Variants in SAFB observed in about 807,000 individuals in gnomAD.
SAFB encodes scaffold attachment factor B1.
In SAFB, 15 loss-of-function variants were observed where a neutral mutation model predicts 101.6. The observed-to-expected ratio is 0.15, with a 90% confidence interval of 0.10 to 0.23. The LOEUF is 0.23. SAFB is among the 10% of genes least tolerant of loss of function. The pLI, the probability that SAFB is intolerant of heterozygous loss-of-function variation, is 1.00. For missense variants in SAFB, 930 were observed against 1,104.1 expected (o/e 0.84, Z 2.23); for synonymous variants, 449 against 407.5 (o/e 1.10, Z -1.23).
intron 2 of SAFB, among the ~76,000 whole-genome samples, chr19:5,631,814 CG>C (rs1339310767): frequency 6.6e-6 from 1 of 152,072 alleles, no homozygotes; most frequent in African/African-American, 2.4e-5. Context: ...GGGACACCGA[CG>C]CGGAAGGATG....
Position 5,623,487 on chromosome 19 carries a change from C to T in SAFB, c.189+93C>T, listed in dbSNP as rs1471480879. The stretch of plus-strand genomic sequence containing the variant: ...GCGGGCCCTGGCGTCCGCCCCCGGC[C>T]GCGTTCGCGGCCTCGCCGGACCTGG... On this transcript the variant is annotated intron_variant, in intron 1 of 20. Coordinates refer to ENST00000588852, the MANE Select transcript of SAFB (RefSeq NM_001201338.2). 3.5e-6 allele frequency: 4 copies of T among 1,135,028 alleles called. No homozygotes were observed. The East Asian group carries it at 1.1e-4, about 32-fold the overall frequency. The allele number at this position is 1,135,028 out of a possible 1,614,324, so 70.3% of individuals were successfully genotyped here. A position where few individuals can be genotyped will look rare whatever the true frequency, so the allele number is the denominator to read the frequency against.
Position 5,667,919 on chromosome 19 carries a change from C to A in SAFB, c.2624+33C>A. 1 of 1,571,702 alleles carries A rather than the reference C, an allele frequency of 6.4e-7. No homozygotes were observed. Among genetic ancestry groups the A allele is most frequent in the South Asian group, 1.2e-5 (1 of 84,174 alleles). On this transcript the variant is annotated intron_variant, in intron 20 of 20. Coordinates refer to ENST00000588852, the MANE Select transcript of SAFB (RefSeq NM_001201338.2). The surrounding 1 kb of genome is among the most constrained non-coding windows in gnomAD (Gnocchi z 4.0). ...ATGCTGGGGGCGGCGCCCCTTCCCC[C>A]TGCTTTGCATATTGGCCTACCTTGC... is the stretch of plus-strand genomic sequence containing the variant.
At chr19:5,666,957 T>G in intron 17 of SAFB, 89 bp from the exon 18 acceptor site, 1 of 831,708 alleles carries the variant, frequency 1.2e-6, no homozygotes. Flanking sequence ...TGACTGTCGT[T>G]GTCATCGTTA....
At chr19:5,661,454 A>G in intron 14 of SAFB, 64 bp from the exon 15 acceptor site, 1 of 1,588,544 alleles carries the variant, frequency 6.3e-7, no homozygotes, top group South Asian at 1.1e-5. Context: ...GTCTTACTTA[A>G]AGTCAGCCCT....
At chr19:5,653,313 G>T in intron 10 of SAFB, 25 bp from the exon 11 acceptor site, 1 of 1,614,024 alleles carries the variant, frequency 6.2e-7, no homozygotes, top group East Asian at 2.2e-5. Context: ...AGGAAATGGG[G>T]GTAATACTTG....
At chr19:5,632,699 G>A (rs368557011) in intron 2 of SAFB, among the ~76,000 whole-genome samples, 4 of 152,092 alleles carry the variant, frequency 2.6e-5, no homozygotes, top group African/African-American at 9.7e-5. Context: ...CAAGTTATAC[G>A]CTTGTCAGAA....
chr19:5,661,826 G>T lies in SAFB; in HGVS notation c.2153+18G>T, dbSNP rs1396005182. ...CTGGACCGGTAAGCAGATCCATGCT[G>T]CCCTTAGCACGTGGCGTTCAGAATC... On this transcript the variant is annotated intron_variant, in intron 15 of 20. Coordinates refer to ENST00000588852, the MANE Select transcript of SAFB (RefSeq NM_001201338.2). 1.3e-6 allele frequency: 2 copies of T among 1,506,420 alleles called. No individual in the cohort carries two copies. Among genetic ancestry groups the T allele is most frequent in the Non-Finnish European group, 1.8e-6 (2 of 1,120,300 alleles). 93.3% of individuals were successfully genotyped at this position (1,506,420 alleles called of 1,614,324 possible).
rs2054337990 is a variant in SAFB at position 5,666,878 on chromosome 19, G to A, written c.2335-168G>A. 13 of 716,782 alleles carry A rather than the reference G, an allele frequency of 1.8e-5. No individual in the cohort carries two copies. The South Asian group carries it at 2.0e-4, about 11-fold the overall frequency. The allele number at this position is 716,782 out of a possible 1,614,324, so 44.4% of individuals were successfully genotyped here. ...ATGAGCCTAGGGCACAGGGCCTCTG[G>A]CCTGCAGATTTCAGGAAGGCAGCTG... is the stretch of plus-strand genomic sequence containing the variant. On this transcript the variant is annotated intron_variant, in intron 17 of 20. Coordinates refer to ENST00000588852, the MANE Select transcript of SAFB (RefSeq NM_001201338.2).
chr19:5,647,984 T>C, intron 5 of SAFB, 32 bp from the exon 6 acceptor site: 1 of 1,598,482 alleles, frequency 6.3e-7, no homozygotes, highest in Non-Finnish European at 8.6e-7. Context: ...GTCATTCATC[T>C]GGCACAGTCT....
intron 9 of SAFB, among the ~76,000 whole-genome samples, chr19:5,651,536 G>T (rs1000462843): frequency 2.6e-5 from 4 of 152,278 alleles, no homozygotes; most frequent in Admixed American, 2.6e-4. Context: ...CTCAGCAGCT[G>T]GGGGCTCTCA....
At chr19:5,640,024 G>T (rs1411706444) in intron 2 of SAFB, among the ~76,000 whole-genome samples, 1 of 151,684 alleles carries the variant, frequency 6.6e-6, no homozygotes, top group Admixed American at 6.6e-5. Context: ...TTGTTTTTTT[G>T]GTTTTTTTTA....
intron 14 of SAFB, among the ~76,000 whole-genome samples, chr19:5,661,279 T>TG (rs1282721577): frequency 1.3e-5 from 2 of 152,144 alleles, no homozygotes; most frequent in African/African-American, 4.8e-5. Flanking sequence ...CAGGAAATGT[T>TG]GGAGAAAGGA....
rs1252956216 is a variant in SAFB at position 5,667,763 on chromosome 19, C to T, written c.2558-57C>T. On this transcript the variant is annotated intron_variant, in intron 19 of 20. Transcript: ENST00000588852. This position sits in a 1 kb window ranked among gnomAD's most constrained non-coding sequence, Gnocchi z 4.0. ...AGGGAGTGGAGTGGGCTAAATGTGC[C>T]GTGGGTTCCACGCCGTGTGCGCAAG... 15 of 1,570,216 alleles carry T rather than the reference C, an allele frequency of 9.6e-6. No homozygotes were observed. The Admixed American group carries it at 1.5e-4, about 16-fold the overall frequency.
In SAFB at chr19:5,630,677, A is replaced by G. The variant is rs1599318288; in HGVS notation, c.274+4188A>G. 2.0e-5 allele frequency among the ~76,000 whole-genome samples: 3 copies of G among 149,846 alleles called. No individual in the cohort carries two copies. The South Asian group carries it at 6.4e-4, about 32-fold the overall frequency. On this transcript the variant is annotated intron_variant, in intron 2 of 20. Transcript: ENST00000588852. ...AGGCTGAGGCAGGAAAATCGCTTGA[A>G]CCCGGGAAGCAGAGGTTGCAGTGAG...
chr19:5,664,311 A>G (rs1476392717), intron 16 of SAFB, 86 bp from the exon 17 acceptor site: 1 of 1,454,978 alleles, frequency 6.9e-7, no homozygotes, highest in Non-Finnish European at 9.6e-7. Flanking sequence ...TAGGGAAATT[A>G]TGCTTTTCAT....
intron 15 of SAFB, among the ~76,000 whole-genome samples, chr19:5,662,773 C>T (rs545839512): frequency 4.8e-4 from 71 of 149,110 alleles, no homozygotes; most frequent in Middle Eastern, 3.8e-3. Context: ...CCCTAGTATT[C>T]GAGATTACAG....
chr19:5,624,830 A>G (rs1162377262), intron 1 of SAFB, among the ~76,000 whole-genome samples: 1 of 152,172 alleles, frequency 6.6e-6, no homozygotes, highest in African/African-American at 2.4e-5. Context: ...TAAGGCAGGA[A>G]GCCCACTGAT....
At chr19:5,623,502 G>C (rs1207750058) in intron 1 of SAFB, 108 bp downstream of exon 1, 1 of 879,488 alleles carries the variant, frequency 1.1e-6, no homozygotes, top group East Asian at 3.0e-5. Context: ...TCGCGGCCTC[G>C]CCGGACCTGG....
intron 9 of SAFB, among the ~76,000 whole-genome samples, chr19:5,652,360 G>T (rs1202317600): frequency 6.6e-6 from 1 of 152,188 alleles, no homozygotes; most frequent in Non-Finnish European, 1.5e-5. Context: ...GGGTGGGTGT[G>T]CTCAGTGGGG....
Sources: allele counts gnomAD v4.1 joint callset (sites outside exome capture counted in the v4.1 genomes callset), GRCh38; gene constraint gnomAD v4.1.1; non-coding constraint Gnocchi (gnomAD v3.1); transcripts MANE v1.5; gene names NCBI Gene and HGNC (gene_info 2026-07-23, HGNC 2026-07-21).